The following MROH7 variants were observed in gnomAD, a reference collection of about 807,000 sequenced individuals.
MROH7 encodes maestro heat like repeat family member 7, also known as maestro heat-like repeat-containing protein family member 7.
Under a neutral mutation model 129.2 loss-of-function variants are expected in MROH7, and 113 were observed. The ratio of observed to expected loss-of-function variants is 0.87; its 90% CI spans 0.75 to 1.02. The LOEUF is 1.02. Ranked by LOEUF, MROH7 falls within the 50% of genes least tolerant of loss-of-function variation. The pLI, the probability that MROH7 is intolerant of heterozygous loss-of-function variation, is 0.00. For missense variants in MROH7, 1,601 were observed against 1,671.3 expected (o/e 0.96, Z 0.73); for synonymous variants, 655 against 667.9 (o/e 0.98, Z 0.30).
Position 54,686,110 on chromosome 1 carries a change from G to T in MROH7, c.2521-148G>T, listed in dbSNP as rs577431969. 22 of 626,568 alleles carry T rather than the reference G, an allele frequency of 3.5e-5. No homozygotes were observed. The East Asian group carries it at 3.7e-4, about 11-fold the overall frequency. 38.8% of individuals were successfully genotyped at this position (626,568 alleles called of 1,614,324 possible). ...GCCAGAGAGCCAGAGGTTTGGGGCT[G>T]GGGGGTGGGGAATCCCAGCTTCCCC... On this transcript the variant is annotated intron_variant, in intron 14 of 23. Transcript: ENST00000421030.
chr1:54,673,748 G>A lies in MROH7; in HGVS notation c.1743G>A (p.Arg581=). ...CTGGGAAGGCCCATGAGCGAGCACG[G>A]GCTGTGAACACCAATGTCTCTGTGT... ...MNSGKAHERA[R]AVNTNVSVLN... is the part of the protein sequence containing the mutation. Residue 581 remains arginine (R), a synonymous_variant, in exon 9 of 24, where the codon CGG becomes CGA. Coordinates refer to ENST00000421030, the MANE Select transcript of MROH7 (RefSeq NM_001039464.4). 6.2e-7 allele frequency: 1 copy of A among 1,614,178 alleles called. No individual in the cohort carries two copies. The highest frequency in any genetic ancestry group is 8.5e-7 in the Non-Finnish European group (1 of 1,180,030).
In MROH7 at chr1:54,673,108, C is replaced by T. The variant is rs367888341; in HGVS notation, c.1617C>T (p.Thr539=). The change falls in exon 8 of 24, where the codon ACC becomes ACT. Residue 539 remains threonine, a synonymous_variant. Transcript: ENST00000421030. ...ATCCACAGGCTCTTTACCATCAGAC[C>T]CTGGAGGCCCTGCAGACACTGCTCA... ...AETIQALYHQ[T]LEALQTLLKA... is the part of the protein sequence containing the mutation. The T allele has an allele frequency of 5.6e-6, 9 of 1,613,626 alleles. No homozygotes were observed. The African/African-American group carries it at 9.3e-5, about 17-fold the overall frequency.
At chr1:54,668,449 T>C (rs1644846015) in intron 4 of MROH7, among the ~76,000 whole-genome samples, 1 of 152,238 alleles carries the variant, frequency 6.6e-6, no homozygotes, top group African/African-American at 2.4e-5. Flanking sequence ...ATTAGTTGGA[T>C]ATTGGTTAAT....
chr1:54,670,376 G>A (rs779370491), intron 5 of MROH7, 121 bp from the exon 6 acceptor site: 45 of 724,746 alleles, frequency 6.2e-5, no homozygotes, highest in South Asian at 3.4e-4. Flanking sequence ...AAGCTGAGGC[G>A]GGAGGAGCAC....
In MROH7 at chr1:54,709,989, C is replaced by T; in HGVS notation, c.3774C>T (p.Ile1258=). The change falls in exon 24 of 24, where the codon ATC becomes ATT. Residue 1258 remains isoleucine (I), a synonymous_variant. Transcript: ENST00000421030. The part of the protein sequence containing the change: ...LRHDPEASVC[I]YAAQVQDHIL... ...ATGACCCAGAAGCATCAGTGTGCATCTACGCAGCCCAGGTCCAGGACCACA... is the reference window on the plus strand; with the variant it reads ...ATGACCCAGAAGCATCAGTGTGCATTTACGCAGCCCAGGTCCAGGACCACA... 6.2e-7 allele frequency: 1 copy of T among 1,614,156 alleles called. No homozygotes were observed. Among genetic ancestry groups the T allele is most frequent in the Non-Finnish European group, 8.5e-7 (1 of 1,180,018 alleles).
chr1:54,649,786 A>C (rs1382707880), intron 1 of MROH7, among the ~76,000 whole-genome samples: 1 of 152,240 alleles, frequency 6.6e-6, no homozygotes, highest in East Asian at 1.9e-4. Context: ...GAGATCATTA[A>C]GGGAAGATTC....
intron 17 of MROH7, 82 bp from the exon 18 acceptor site, chr1:54,700,239 A>G (rs1230606765): frequency 5.7e-6 from 9 of 1,574,152 alleles, no homozygotes; most frequent in Non-Finnish European, 7.8e-6. Context: ...CTGGTATCCA[A>G]TGTGCAATCC....
chr1:54,710,191 C>T lies in MROH7; in HGVS notation c.*4C>T. The stretch of plus-strand genomic sequence containing the variant: ...GAAGATGTCCTTGAAGAAGTGACGT[C>T]CCTGAGCCCCAAACCCTCCTCAGGG... On this transcript the variant is annotated 3_prime_UTR_variant, in exon 24 of 24. Coordinates refer to ENST00000421030, the MANE Select transcript of MROH7 (RefSeq NM_001039464.4). 1 of 1,609,710 alleles carries T rather than the reference C, an allele frequency of 6.2e-7. No individual in the cohort carries two copies. Among genetic ancestry groups the T allele is most frequent in the Non-Finnish European group, 8.5e-7 (1 of 1,179,152 alleles).
At chr1:54,655,345 A>C (rs1052657517) in intron 3 of MROH7, among the ~76,000 whole-genome samples, 1 of 151,814 alleles carries the variant, frequency 6.6e-6, no homozygotes, top group East Asian at 1.9e-4. Context: ...CTGAAAATCA[A>C]CTTAGCTATT....
chr1:54,692,690 A>G (rs1323385915), intron 16 of MROH7, 129 bp downstream of exon 16: 1 of 922,422 alleles, frequency 1.1e-6, no homozygotes, highest in Non-Finnish European at 1.6e-6. Flanking sequence ...CCTCTTCTCT[A>G]CAACTGGGAG....
At chr1:54,649,273 C>T (rs1032137925) in intron 1 of MROH7, among the ~76,000 whole-genome samples, 1 of 152,248 alleles carries the variant, frequency 6.6e-6, no homozygotes, top group African/African-American at 2.4e-5. Context: ...CTGTCTTAGA[C>T]AGCACTAGTT....
chr1:54,656,979 G>A (rs926037162), intron 3 of MROH7, among the ~76,000 whole-genome samples: 1 of 151,684 alleles, frequency 6.6e-6, no homozygotes, highest in East Asian at 1.9e-4. Flanking sequence ...TTGAAGTCAG[G>A]AGTTTGGGAC....
Position 54,682,713 on chromosome 1 carries a change from A to G in MROH7, c.2439A>G (p.Arg813=). The change falls in exon 14 of 24, where the codon CGA becomes CGG. Residue 813 remains arginine (R), a synonymous_variant. Coordinates refer to ENST00000421030, the MANE Select transcript of MROH7 (RefSeq NM_001039464.4). ...LILCKPSCDV[R]DLLDLLLGSL... is the part of the protein sequence containing the mutation. ...TGTGTAAGCCCAGCTGTGATGTCCGAGACCTCCTGGATCTGCTCCTGGGCA... is the reference window on the plus strand; with the variant it reads ...TGTGTAAGCCCAGCTGTGATGTCCGGGACCTCCTGGATCTGCTCCTGGGCA... 6.2e-7 allele frequency: 1 copy of G among 1,614,122 alleles called. No individual in the cohort carries two copies. Among genetic ancestry groups the G allele is most frequent in the Non-Finnish European group, 8.5e-7 (1 of 1,179,998 alleles).
In MROH7 at chr1:54,702,012, G is replaced by A. The variant is rs1645444152; in HGVS notation, c.3286-78G>A. Reference sequence around the variant, plus strand: ...GTTCCAGACCTAGGCTTGAGTGAGAGGAACAATGGCTCTGAATCAGCCGCA... The same window carrying A: ...GTTCCAGACCTAGGCTTGAGTGAGAAGAACAATGGCTCTGAATCAGCCGCA... On this transcript the variant is annotated intron_variant, in intron 19 of 23. Transcript: ENST00000421030. The A allele has an allele frequency of 3.9e-6, 5 of 1,284,190 alleles. No homozygotes were observed. In the South Asian group the frequency reaches 5.2e-5, roughly 13 times the overall value. The allele number at this position is 1,284,190 out of a possible 1,614,324, so 79.5% of individuals were successfully genotyped here.
At position 54,666,425 on chromosome 1, in the gene MROH7, A is replaced by ATTT. The variant is rs71048704; in HGVS notation, c.1305+1210_1305+1212dup. Among the ~76,000 whole-genome samples, 483 of 69,206 alleles carry ATTT rather than the reference A, an allele frequency of 7.0e-3. 31 individuals carry two copies. The highest frequency in any genetic ancestry group is 0.02 in the African/African-American group (396 of 20,018). The allele number at this position is 69,206 out of a possible 152,430, so 45.4% of individuals were successfully genotyped here. A position where few individuals can be genotyped will look rare whatever the true frequency, so the allele number is the denominator to read the frequency against. The stretch of plus-strand genomic sequence containing the variant: ...GGTTATAGGAGGCGGGAGAAGAGGA[A>ATTT]TTTTTTTTTTTTTTTTTTTTTTTTT... On this transcript the variant is annotated intron_variant, in intron 4 of 23. Transcript: ENST00000421030.
intron 1 of MROH7, among the ~76,000 whole-genome samples, chr1:54,649,235 G>C (rs969177588): frequency 6.6e-6 from 1 of 152,240 alleles, no homozygotes; most frequent in Non-Finnish European, 1.5e-5. Flanking sequence ...GTGGAGAAGG[G>C]AGGATGGCAA....
At chr1:54,680,104 C>A (rs1486953717) in intron 13 of MROH7, 59 bp downstream of exon 13, 78 of 1,548,552 alleles carry the variant, frequency 5.0e-5, no homozygotes, top group Non-Finnish European at 6.7e-5. Context: ...AGCCCCCACC[C>A]CAGGTTGGGG....
chr1:54,691,886 C>CA (rs1553175580), intron 15 of MROH7, among the ~76,000 whole-genome samples: 6 of 145,590 alleles, frequency 4.1e-5, no homozygotes, highest in Admixed American at 2.7e-4. Flanking sequence ...TCCTCCCCCC[C>CA]ACCCCCCATG....
intron 15 of MROH7, among the ~76,000 whole-genome samples, chr1:54,690,721 G>C (rs150398774): frequency 6.6e-6 from 1 of 152,164 alleles, no homozygotes; most frequent in East Asian, 1.9e-4. Flanking sequence ...GGGATTACAG[G>C]CGTGAGCCAC....
Sources: gnomAD v4.1 joint callset for allele counts (sites outside exome capture counted in the v4.1 genomes callset) on GRCh38, gnomAD v4.1.1 for gene constraint, MANE v1.5 for transcripts, NCBI Gene and HGNC (gene_info 2026-07-23, HGNC 2026-07-21) for gene names.